The following UPF2 variants were observed in gnomAD, a reference collection of about 807,000 sequenced individuals.
UPF2 encodes UPF2 regulator of nonsense mediated mRNA decay.
UPF2 carries 17 observed loss-of-function variants against 141.4 expected under a neutral mutation model. The observed-to-expected ratio is 0.12, with a 90% CI of 0.08 to 0.18. UPF2 has a LOEUF of 0.18. Among genes scored for constraint, UPF2 ranks in the 10% least tolerant of loss-of-function variants. The pLI is 1.00. For missense variants in UPF2, 1,152 were observed against 1,515.9 expected, an observed-to-expected ratio of 0.76 and a Z score of 3.99; for synonymous variants, 540 against 498.0, an observed-to-expected ratio of 1.08 and a Z score of -1.12.
intron 16 of UPF2, among the ~76,000 whole-genome samples, chr10:11,945,804 G>A (rs947171283): frequency 1.3e-5 from 2 of 152,080 alleles, no homozygotes; most frequent in Non-Finnish European, 2.9e-5. Flanking sequence ...ATTAGATACT[G>A]CTCATGTAAT....
Position 12,016,129 on chromosome 10 carries a change from CACA to C in UPF2, c.1146-1948_1146-1946del, listed in dbSNP as rs1233041359. Among the ~76,000 whole-genome samples, 3 of 151,574 alleles carry C rather than the reference CACA, an allele frequency of 2.0e-5. No homozygotes were observed. The highest frequency in any genetic ancestry group is 7.2e-5 in the African/African-American group (3 of 41,386). ...TTAACATACTCATACCTATGAAAGA[CACA>C]ACATTAGCACTCTGAGCTTGTTAAA... On this transcript the variant is annotated intron_variant, in intron 3 of 21. Coordinates refer to ENST00000357604, the MANE Select transcript of UPF2 (RefSeq NM_015542.4). The surrounding 1 kb of genome is among the most constrained non-coding windows in gnomAD (Gnocchi z 4.1).
rs533149070 is a variant in UPF2, at chr10:11,934,399, G to C, written c.3546+2146C>G. ...GATGTGCCAGAGCCCAACCCTGGTC[G>C]AAGGAGGGGAGGGGTGTGGCTCTCC... On this transcript the variant is annotated intron_variant, in intron 19 of 21. Transcript: ENST00000357604. Among the ~76,000 whole-genome samples, 3 of 152,276 alleles carry C rather than the reference G, an allele frequency of 2.0e-5. No individual in the cohort carries two copies. The South Asian group carries it at 6.2e-4, about 32-fold the overall frequency.
chr10:11,965,277 C>T (rs1833300849), intron 10 of UPF2, among the ~76,000 whole-genome samples: 2 of 151,938 alleles, frequency 1.3e-5, no homozygotes, highest in East Asian at 3.9e-4. Context: ...AGAAATACAC[C>T]AATACATTTA....
chr10:12,017,452 T>C (rs573676202), intron 3 of UPF2, among the ~76,000 whole-genome samples: 1 of 152,166 alleles, frequency 6.6e-6, no homozygotes. Context: ...ACGTGTGGAT[T>C]TGCCTGTGAC....
intron 14 of UPF2, among the ~76,000 whole-genome samples, chr10:11,954,556 C>A (rs1833118519): frequency 6.6e-6 from 1 of 150,738 alleles, no homozygotes; most frequent in Non-Finnish European, 1.5e-5. Context: ...ATTGCTTGAA[C>A]CTGAGAGGTG....
In UPF2 at chr10:12,014,067, A is replaced by C; in HGVS notation, c.1263T>G (p.Asp421Glu). 1 of 1,590,472 alleles carries C rather than the reference A, an allele frequency of 6.3e-7. No individual in the cohort carries two copies. The highest frequency in any genetic ancestry group is 1.1e-5 in the South Asian group (1 of 87,122). ...ANSQSLADLLDENMPDLPQDK... is the reference protein window; with the variant it reads ...ANSQSLADLLEENMPDLPQDK... Reference sequence around the variant, plus strand: ...CTTGAGGAAGATCTGGCATATTTTCATCCAAAAGGTCTGCTAAGGATTGAG... The same window carrying C: ...CTTGAGGAAGATCTGGCATATTTTCCTCCAAAAGGTCTGCTAAGGATTGAG... Residue 421 changes from aspartate (D) to glutamate (E), a missense_variant, in exon 4 of 22, where the codon GAT (aspartate) becomes GAG (glutamate). Around this residue, in one of 4 missense-constraint regions of UPF2, gnomAD observed 739 missense variants for 1,032.2 expected, o/e 0.72. Transcript: ENST00000357604. The surrounding 1 kb of genome is among the most constrained non-coding windows in gnomAD (Gnocchi z 5.0).
At chr10:11,965,228 G>C (rs946666632) in intron 10 of UPF2, among the ~76,000 whole-genome samples, 1 of 152,090 alleles carries the variant, frequency 6.6e-6, no homozygotes, top group African/African-American at 2.4e-5. Flanking sequence ...TGTCAAAAAA[G>C]TGTATATTCT....
chr10:11,957,732 A>C (rs943969221), intron 12 of UPF2, among the ~76,000 whole-genome samples: 9 of 152,104 alleles, frequency 5.9e-5, no homozygotes, highest in Non-Finnish European at 8.8e-5. Context: ...TGGCCAGGCT[A>C]GTCTCGAATT....
intron 8 of UPF2, among the ~76,000 whole-genome samples, chr10:11,986,632 G>A (rs1262122324): frequency 1.3e-5 from 2 of 152,144 alleles, no homozygotes; most frequent in Non-Finnish European, 2.9e-5. Context: ...TGCAATTAAA[G>A]AATACAAAGG....
intron 4 of UPF2, 55 bp from the exon 5 acceptor site, chr10:12,004,782 AACATG>A (rs1295276063): frequency 6.5e-7 from 1 of 1,530,550 alleles, no homozygotes; most frequent in African/African-American, 1.4e-5. Context: ...TAGCATGATA[AACATG>A]ACATAAGTTA....
At chr10:12,000,599 A>T (rs2135392) in intron 6 of UPF2, among the ~76,000 whole-genome samples, 1 of 152,144 alleles carries the variant, frequency 6.6e-6, no homozygotes, top group East Asian at 1.9e-4. Flanking sequence ...GGGTAACATA[A>T]CAAGACCCTG....
rs549052782 is a variant in UPF2 at position 11,947,255 on chromosome 10, T to C, written c.3174+1114A>G. Among the ~76,000 whole-genome samples, 9 of 152,216 alleles carry C rather than the reference T, an allele frequency of 5.9e-5. No homozygotes were observed. In the South Asian group the frequency reaches 1.0e-3, roughly 18 times the overall value. On this transcript the variant is annotated intron_variant, in intron 16 of 21. Transcript: ENST00000357604. ...ACTGCTAGTTTTAATCACACAGAAA[T>C]GACATTTTGCTAAGTCAGAAACAGT...
chr10:11,967,354 AGT>A lies in UPF2; in HGVS notation c.2052_2053del (p.Leu685AlafsTer16). ...TTCAGCACTAACCTTTAAACAATGC[AGT>A]GTGTCATTTTTGGTGAACATCTTAA... On this transcript the variant is annotated frameshift_variant, in exon 10 of 22. Coordinates refer to ENST00000357604, the MANE Select transcript of UPF2 (RefSeq NM_015542.4). LOFTEE classifies it high-confidence loss of function. The A allele has an allele frequency of 6.4e-7, 1 of 1,571,234 alleles. No homozygotes were observed. Among genetic ancestry groups the A allele is most frequent in the Non-Finnish European group, 8.6e-7 (1 of 1,162,848 alleles).
rs57896406 is a variant in UPF2 at position 11,936,397 on chromosome 10, C to CAAAAA, written c.3546+143_3546+147dup. ...ACAAAAACAAAAACAAAAACAAAAA[C>CAAAAA]AAAAAAAACTATATAAGGGAAGAAA... is the stretch of plus-strand genomic sequence containing the variant. On this transcript the variant is annotated intron_variant, in intron 19 of 21. Transcript: ENST00000357604. This position sits in a 1 kb window ranked among gnomAD's most constrained non-coding sequence, Gnocchi z 6.6. The CAAAAA allele has an allele frequency of 1.2e-6, 1 of 858,884 alleles. No individual in the cohort carries two copies. The highest frequency in any genetic ancestry group is 1.8e-5 in the African/African-American group (1 of 56,136). The allele number at this position is 858,884 out of a possible 1,614,324, so 53.2% of individuals were successfully genotyped here.
At chr10:11,929,528 TTGGGA>T (rs1832756015) in intron 21 of UPF2, among the ~76,000 whole-genome samples, 1 of 152,066 alleles carries the variant, frequency 6.6e-6, no homozygotes, top group Non-Finnish European at 1.5e-5. Context: ...TCCCAGCTAC[TTGGGA>T]GGCTGATGTG....
chr10:12,012,389 G>A (rs926840796), intron 4 of UPF2, among the ~76,000 whole-genome samples: 2 of 152,074 alleles, frequency 1.3e-5, no homozygotes, highest in Admixed American at 6.5e-5. Flanking sequence ...AAGAGATTTT[G>A]GTTCTAAAAT....
chr10:11,950,448 G>A (rs571608157), intron 15 of UPF2, among the ~76,000 whole-genome samples: 2 of 152,128 alleles, frequency 1.3e-5, no homozygotes, highest in Admixed American at 6.6e-5. Context: ...GATTGCGGCC[G>A]CTACCATCTT....
Position 11,959,505 on chromosome 10 carries a change from A to AT in UPF2, c.2185-150dup. Reference sequence around the variant, plus strand: ...CTGGGCACTGTGGCTCACACCTATAATCCCAGCACTTTGGGAGACTGAGAT... The same window carrying AT: ...CTGGGCACTGTGGCTCACACCTATAATTCCCAGCACTTTGGGAGACTGAGAT... On this transcript the variant is annotated intron_variant, in intron 11 of 21. Coordinates refer to ENST00000357604, the MANE Select transcript of UPF2 (RefSeq NM_015542.4). This position sits in a 1 kb window ranked among gnomAD's most constrained non-coding sequence, Gnocchi z 5.9. The AT allele has an allele frequency of 1.3e-6, 1 of 765,564 alleles. No homozygotes were observed. The highest frequency in any genetic ancestry group is 4.0e-4 in the Middle Eastern group (1 of 2,480). 47.4% of individuals were successfully genotyped at this position (765,564 alleles called of 1,614,324 possible). A position where few individuals can be genotyped will look rare whatever the true frequency, so the allele number is the denominator to read the frequency against.
At chr10:11,923,658 G>A (rs1415541647) in intron 21 of UPF2, among the ~76,000 whole-genome samples, 5 of 139,712 alleles carry the variant, frequency 3.6e-5, no homozygotes, top group African/African-American at 1.1e-4. Context: ...CCGATATAGC[G>A]AGACCCCATC....
Sources: allele counts gnomAD v4.1 joint callset (sites outside exome capture counted in the v4.1 genomes callset), GRCh38; gene constraint gnomAD v4.1.1; regional missense constraint gnomAD v4.1.1; non-coding constraint Gnocchi (gnomAD v3.1); transcripts MANE v1.5; gene names NCBI Gene and HGNC (gene_info 2026-07-23, HGNC 2026-07-21).